The following SPATA17 variants were observed in gnomAD, a reference collection of about 807,000 sequenced individuals.
The protein encoded by SPATA17 is spermatogenesis-associated protein 17.
In SPATA17, 53 loss-of-function variants were observed where a neutral mutation model predicts 62.2. That is an observed-to-expected ratio of 0.85 (90% CI 0.68 to 1.07). The LOEUF (loss-of-function observed/expected upper bound fraction) is 1.07, where lower values mean the gene tolerates loss of function less well. SPATA17 is among the 50% of genes least tolerant of loss of function. SPATA17 has a pLI of 0.00. For synonymous variants in SPATA17, 146 were observed against 146.8 expected (o/e 0.99, Z 0.04); for missense variants, 466 against 425.5 (o/e 1.10, Z -0.84).
intron 4 of SPATA17, among the ~76,000 whole-genome samples, chr1:217,670,582 C>A (rs1216513036): frequency 6.6e-6 from 1 of 152,186 alleles, no homozygotes; most frequent in Non-Finnish European, 1.5e-5. Context: ...GTCAATTTAT[C>A]TTTGATTAAT....
intron 9 of SPATA17, chr1:217,850,601 C>T: frequency 6.3e-7 from 1 of 1,595,910 alleles, no homozygotes; most frequent in Non-Finnish European, 8.6e-7. Flanking sequence ...GGGTGATGGT[C>T]TTGCCAGTCA....
At chr1:217,705,510 G>A (rs1266585125) in intron 5 of SPATA17, among the ~76,000 whole-genome samples, 2 of 116,062 alleles carry the variant, frequency 1.7e-5, no homozygotes, top group South Asian at 3.0e-4. Context: ...GAGCAATCTT[G>A]GTTCACTGCA....
At chr1:217,668,501 A>G (rs966374622) in intron 3 of SPATA17, among the ~76,000 whole-genome samples, 1 of 152,216 alleles carries the variant, frequency 6.6e-6, no homozygotes, top group Non-Finnish European at 1.5e-5. Context: ...AGGATTACTC[A>G]GGAGGCAGCT....
At chr1:217,701,136 A>T (rs1019828629) in intron 5 of SPATA17, among the ~76,000 whole-genome samples, 1 of 146,910 alleles carries the variant, frequency 6.8e-6, no homozygotes, top group South Asian at 2.2e-4. Context: ...CACCACGCCT[A>T]GCTAGTTTTT....
chr1:217,740,760 A>G (rs947179724), intron 5 of SPATA17, among the ~76,000 whole-genome samples: 1 of 152,220 alleles, frequency 6.6e-6, no homozygotes, highest in Admixed American at 6.5e-5. Context: ...TGCATAAAGT[A>G]AAACAGGCTA....
At chr1:217,859,111 A>G (rs1437380238) in intron 9 of SPATA17, among the ~76,000 whole-genome samples, 1 of 146,268 alleles carries the variant, frequency 6.8e-6, no homozygotes, top group African/African-American at 2.5e-5. Context: ...AGAAATGTTT[A>G]TATTATACAT....
intron 5 of SPATA17, among the ~76,000 whole-genome samples, chr1:217,724,452 G>A (rs1430874271): frequency 6.6e-6 from 1 of 152,078 alleles, no homozygotes; most frequent in Non-Finnish European, 1.5e-5. Context: ...GCCAGGCTTG[G>A]TGGCACATGC....
intron 6 of SPATA17, among the ~76,000 whole-genome samples, chr1:217,767,042 G>T (rs1238582040): frequency 6.6e-6 from 1 of 151,888 alleles, no homozygotes; most frequent in Non-Finnish European, 1.5e-5. Flanking sequence ...AATATTTCTT[G>T]TAAGGCATGT....
intron 9 of SPATA17, among the ~76,000 whole-genome samples, chr1:217,808,881 A>G (rs1221033079): frequency 2.0e-5 from 3 of 151,942 alleles, no homozygotes; most frequent in Admixed American, 2.0e-4. Flanking sequence ...AAAATGCAAT[A>G]AGGGTCATAT....
At position 217,705,430 on chromosome 1, in the gene SPATA17, C is replaced by CTTTTTTTTTTTTTTTTTTT. The variant is rs58138326; in HGVS notation, c.395+22079_395+22097dup. Among the ~76,000 whole-genome samples the CTTTTTTTTTTTTTTTTTTT allele has an allele frequency of 1.5e-4, 7 of 46,606 alleles. 1 individual carries two copies. The highest frequency in any genetic ancestry group is 5.2e-4 in the African/African-American group (6 of 11,526). The allele number at this position is 46,606 out of a possible 152,430, so 30.6% of individuals were successfully genotyped here. A position where few individuals can be genotyped will look rare whatever the true frequency, so the allele number is the denominator to read the frequency against. On this transcript the variant is annotated intron_variant, in intron 5 of 10. Coordinates refer to ENST00000366933, the MANE Select transcript of SPATA17 (RefSeq NM_138796.4). Reference sequence around the variant, plus strand: ...TTTATCTCAATTAGATTCTAGTTGTCTTTTTTTTTTTTTTTTTTTTTTTTT... The same window carrying CTTTTTTTTTTTTTTTTTTT: ...TTTATCTCAATTAGATTCTAGTTGTCTTTTTTTTTTTTTTTTTTTTTTTTTTTTTTTTTTTTTTTTTTTT...
In SPATA17 at chr1:217,871,365, T is replaced by A. The variant is rs1327693289; in HGVS notation, c.*4346T>A. On this transcript the variant is annotated 3_prime_UTR_variant, in exon 11 of 11. Transcript: ENST00000366933. ...TCCATTTTCTGTGCTAAATTCATCT[T>A]TAATTTATTATTTTTTTTCAACCTC... The A allele has an allele frequency of 6.6e-6, 1 of 152,136 alleles. No homozygotes were observed. Among genetic ancestry groups the A allele is most frequent in the African/African-American group, 2.4e-5 (1 of 41,428 alleles). 9.4% of individuals were successfully genotyped at this position (152,136 alleles called of 1,614,324 possible).
At chr1:217,647,872 G>A (rs983009860) in intron 1 of SPATA17, among the ~76,000 whole-genome samples, 5 of 151,868 alleles carry the variant, frequency 3.3e-5, no homozygotes, top group Non-Finnish European at 5.9e-5. Context: ...ACAGGAGCCC[G>A]CCACCACGCT....
chr1:217,740,770 A>C (rs1332638208), intron 5 of SPATA17, among the ~76,000 whole-genome samples: 1 of 152,134 alleles, frequency 6.6e-6, no homozygotes, highest in Non-Finnish European at 1.5e-5. Flanking sequence ...AAAACAGGCT[A>C]TTTTCTGACT....
intron 7 of SPATA17, chr1:217,781,236 T>C (rs1261363203): frequency 6.6e-6 from 1 of 152,210 alleles, no homozygotes; most frequent in East Asian, 1.9e-4. Context: ...CCCCACAGTC[T>C]TCACTCAGTG....
chr1:217,758,635 A>G (rs11117926), intron 6 of SPATA17, among the ~76,000 whole-genome samples: 73,914 of 151,986 alleles, frequency 0.49, 19,225 homozygotes, highest in Non-Finnish European at 0.59. Context: ...TTTGGGATAT[A>G]GCCCAGTGGG....
At chr1:217,661,898 C>T (rs1267539099) in intron 3 of SPATA17, among the ~76,000 whole-genome samples, 3 of 152,108 alleles carry the variant, frequency 2.0e-5, no homozygotes, top group South Asian at 2.1e-4. Flanking sequence ...TATTTGGGGA[C>T]CCATCTTGTT....
At chr1:217,835,684 G>C (rs56106465) in intron 9 of SPATA17, among the ~76,000 whole-genome samples, 13,130 of 152,122 alleles carry the variant, frequency 0.086, 801 homozygotes, top group Middle Eastern at 0.17. Flanking sequence ...AACTGCCTTT[G>C]TGAAGCTAAT....
At chr1:217,847,649 A>C (rs955998454) in intron 9 of SPATA17, among the ~76,000 whole-genome samples, 31 of 152,158 alleles carry the variant, frequency 2.0e-4, no homozygotes, top group Non-Finnish European at 3.8e-4. Flanking sequence ...TGCTTATGGG[A>C]AATGTAAAAA....
At chr1:217,765,584 T>G (rs996246266) in intron 6 of SPATA17, among the ~76,000 whole-genome samples, 1 of 152,006 alleles carries the variant, frequency 6.6e-6, no homozygotes, top group African/African-American at 2.4e-5. Context: ...TTTCTTTCTG[T>G]TATTGATTTC....
Sources: gnomAD v4.1 joint callset for allele counts (sites outside exome capture counted in the v4.1 genomes callset) on GRCh38, gnomAD v4.1.1 for gene constraint, MANE v1.5 for transcripts, NCBI Gene and HGNC (gene_info 2026-07-23, HGNC 2026-07-21) for gene names.